Variants in KDM4B observed in about 807,000 individuals in gnomAD.
KDM4B encodes the protein lysine-specific demethylase 4B.
In KDM4B, 32 loss-of-function variants were observed where a neutral mutation model predicts 125.2. The observed-to-expected ratio is 0.26, with a 90% CI of 0.19 to 0.34. The LOEUF is 0.34. Ranked by LOEUF, KDM4B falls within the 10% of genes least tolerant of loss-of-function variation. The pLI is 1.00. For missense variants in KDM4B, 1,190 were observed against 1,577.7 expected (o/e 0.75, Z 4.16); for synonymous variants, 721 against 677.9 (o/e 1.06, Z -0.99).
intron 2 of KDM4B, 142 bp downstream of exon 2, chr19:5,016,481 T>C (rs2035896070): frequency 6.6e-6 from 1 of 152,276 alleles, no homozygotes; most frequent in African/African-American, 2.4e-5. Flanking sequence ...GCGCAAGCTG[T>C]GCTTAGACGG....
At chr19:5,026,290 G>A (rs1290683273) in intron 2 of KDM4B, among the ~76,000 whole-genome samples, 2 of 151,446 alleles carry the variant, frequency 1.3e-5, no homozygotes, top group East Asian at 4.0e-4. Context: ...CTCCCAAAGT[G>A]CTGGGATTAC....
chr19:5,020,425 G>C (rs1237424289), intron 2 of KDM4B, among the ~76,000 whole-genome samples: 3 of 152,048 alleles, frequency 2.0e-5, no homozygotes, highest in African/African-American at 7.3e-5. Flanking sequence ...CGGGTCCAAG[G>C]GTACATTCTG....
At position 5,039,982 on chromosome 19, in the gene KDM4B, C is replaced by A. The variant is rs1395918076; in HGVS notation, c.288C>A (p.Gly96=). 6.2e-7 allele frequency: 1 copy of A among 1,611,684 alleles called. No individual in the cohort carries two copies. The highest frequency in any genetic ancestry group is 1.3e-5 in the African/African-American group (1 of 74,894). The change falls in exon 4 of 23, where the codon GGC becomes GGA. Residue 96 remains glycine, a synonymous_variant. Transcript: ENST00000159111. ...TCCAGAAGAAGGCCATGACAGTGGG[C>A]GAGTACCGCCGCCTGGCCAACAGCG... ...YNIQKKAMTV[G]EYRRLANSEK...
chr19:5,143,003 G>A lies in KDM4B; in HGVS notation c.2551-964G>A, dbSNP rs929901485. Among the ~76,000 whole-genome samples the A allele has an allele frequency of 6.6e-5, 10 of 152,094 alleles. 1 individual carries two copies. The South Asian group carries it at 1.9e-3, about 28-fold the overall frequency. ...CTCTCCGGTGCTCCCTCCTCACCAA[G>A]GAGGCTTCTCTCAGGGCTTCTTATT... is the stretch of plus-strand genomic sequence containing the variant. On this transcript the variant is annotated intron_variant, in intron 18 of 22. Transcript: ENST00000159111.
intron 5 of KDM4B, among the ~76,000 whole-genome samples, chr19:5,041,455 GC>G (rs1402862342): frequency 3.3e-5 from 5 of 152,040 alleles, no homozygotes; most frequent in Non-Finnish European, 7.4e-5. Context: ...GGCCCCTCCT[GC>G]CTCACCCTGC....
At chr19:5,129,036 TG>T (rs2039499057) in intron 11 of KDM4B, among the ~76,000 whole-genome samples, 1 of 151,616 alleles carries the variant, frequency 6.6e-6, no homozygotes, top group Non-Finnish European at 1.5e-5. Context: ...CTAGCAGGGG[TG>T]GGGGCCAGGG....
intron 13 of KDM4B, among the ~76,000 whole-genome samples, chr19:5,133,186 G>A (rs1028491714): frequency 1.3e-5 from 2 of 152,214 alleles, no homozygotes; most frequent in Non-Finnish European, 2.9e-5. Flanking sequence ...TGCGGCAGCT[G>A]GCAATGGAGG....
intron 1 of KDM4B, among the ~76,000 whole-genome samples, chr19:4,988,457 A>G (rs1161311448): frequency 6.6e-6 from 1 of 151,952 alleles, no homozygotes; most frequent in Non-Finnish European, 1.5e-5. Flanking sequence ...TTGTATTTTT[A>G]GTAGAGACGG....
intron 21 of KDM4B, among the ~76,000 whole-genome samples, chr19:5,149,962 G>A (rs1437872157): frequency 6.6e-6 from 1 of 152,220 alleles, no homozygotes; most frequent in Non-Finnish European, 1.5e-5. Flanking sequence ...CCCAGGCCCT[G>A]TTAGGGCACT....
intron 7 of KDM4B, chr19:5,074,264 C>G (rs2038033190): frequency 6.6e-6 from 1 of 152,390 alleles, no homozygotes. Flanking sequence ...CCCTGCCCTC[C>G]CCTCTGGAAG....
chr19:5,019,669 CGTGGATGTTGGT>C (rs2036026925), intron 2 of KDM4B, among the ~76,000 whole-genome samples: 1 of 45,624 alleles, frequency 2.2e-5, no homozygotes, highest in African/African-American at 8.9e-5. Context: ...CAGGTGTTGG[CGTGGATGTTGGT>C]GTGCAGGTGT....
intron 11 of KDM4B, among the ~76,000 whole-genome samples, chr19:5,122,754 G>C (rs2039383899): frequency 6.6e-6 from 1 of 152,218 alleles, no homozygotes; most frequent in Admixed American, 6.5e-5. Flanking sequence ...GAGGGCACCA[G>C]AAGAGGAGAT....
At chr19:5,041,527 G>A (rs1231452930) in intron 5 of KDM4B, among the ~76,000 whole-genome samples, 1 of 152,220 alleles carries the variant, frequency 6.6e-6, no homozygotes, top group Non-Finnish European at 1.5e-5. Flanking sequence ...CCCACAGCGT[G>A]TTACAAACAC....
chr19:5,119,416 C>T (rs73919748), intron 10 of KDM4B, among the ~76,000 whole-genome samples: 4,590 of 152,262 alleles, frequency 0.03, 250 homozygotes, highest in African/African-American at 0.1. Flanking sequence ...ACACCGTCCC[C>T]GCCGTGTCCA....
At chr19:4,986,959 T>A (rs970326046) in intron 1 of KDM4B, among the ~76,000 whole-genome samples, 3 of 152,080 alleles carry the variant, frequency 2.0e-5, no homozygotes, top group South Asian at 2.1e-4. Flanking sequence ...TTATTTTATT[T>A]TATTTTTTTT....
chr19:5,004,090 G>T (rs545370092), intron 1 of KDM4B, among the ~76,000 whole-genome samples: 1 of 152,314 alleles, frequency 6.6e-6, no homozygotes, highest in South Asian at 2.1e-4. Context: ...AAGTTAATAC[G>T]TGGCAGTAAA....
rs923759718 is a variant in KDM4B, at chr19:5,078,412, C to T, written c.780+942C>T. Reference sequence around the variant, plus strand: ...AGCATCAGCTCACACATCGGGGATCCGCTCTTCCTGGCGGGGCTGCAACCC... The same window carrying T: ...AGCATCAGCTCACACATCGGGGATCTGCTCTTCCTGGCGGGGCTGCAACCC... On this transcript the variant is annotated intron_variant, in intron 8 of 22. Transcript: ENST00000159111. The surrounding 1 kb of genome is among the most constrained non-coding windows in gnomAD (Gnocchi z 4.5). 1.8e-4 allele frequency: 28 copies of T among 152,280 alleles called. No homozygotes were observed. Among genetic ancestry groups the T allele is most frequent in the East Asian group, 1.5e-3 (8 of 5,166 alleles). The allele number at this position is 152,280 out of a possible 1,614,324, so 9.4% of individuals were successfully genotyped here.
intron 8 of KDM4B, chr19:5,079,288 G>A (rs1035400600): frequency 6.6e-6 from 1 of 152,194 alleles, no homozygotes; most frequent in Non-Finnish European, 1.5e-5. Flanking sequence ...TTGCCGCAAA[G>A]CCTATTCATC....
intron 2 of KDM4B, among the ~76,000 whole-genome samples, chr19:5,029,598 G>A (rs964187721): frequency 3.9e-5 from 6 of 152,192 alleles, no homozygotes; most frequent in Admixed American, 2.6e-4. Flanking sequence ...AGGCCAAGGC[G>A]GGAGGATCAT....
Sources: allele counts gnomAD v4.1 joint callset (sites outside exome capture counted in the v4.1 genomes callset), GRCh38; gene constraint gnomAD v4.1.1; non-coding constraint Gnocchi (gnomAD v3.1); transcripts MANE v1.5; gene names NCBI Gene and HGNC (gene_info 2026-07-23, HGNC 2026-07-21).